The following COL21A1 variants were observed in gnomAD, a reference collection of about 807,000 sequenced individuals.
The protein encoded by COL21A1 is collagen type XXI alpha 1 chain, also known as collagen alpha-1(XXI) chain.
Under a neutral mutation model 137.9 loss-of-function variants are expected in COL21A1, and 149 were observed. That is an observed-to-expected ratio of 1.08 (90% CI 0.95 to 1.24). The LOEUF is 1.24. Ranked by LOEUF, COL21A1 falls within the 50% of genes most tolerant of loss-of-function variation. The probability of loss-of-function intolerance (pLI) is 0.00; values close to 1 mark genes in which losing one functional copy is unlikely to be tolerated. For missense variants in COL21A1, 1,167 were observed against 1,158.4 expected (o/e 1.01, Z -0.11); for synonymous variants, 456 against 391.5 (o/e 1.16, Z -1.95).
intron 16 of COL21A1, among the ~76,000 whole-genome samples, chr6:56,104,251 G>A (rs960717867): frequency 7.2e-5 from 11 of 152,226 alleles, no homozygotes; most frequent in Non-Finnish European, 1.5e-4. Flanking sequence ...AGGAGGAACA[G>A]ACTCTTTATT....
intron 16 of COL21A1, among the ~76,000 whole-genome samples, chr6:56,112,408 A>T (rs1313453271): frequency 6.6e-6 from 1 of 152,150 alleles, no homozygotes; most frequent in African/African-American, 2.4e-5. Flanking sequence ...AAAGAACCAA[A>T]AATCAGGTGA....
chr6:56,241,342 T>C (rs994760864), intron 1 of COL21A1, among the ~76,000 whole-genome samples: 1 of 152,186 alleles, frequency 6.6e-6, no homozygotes, highest in African/African-American at 2.4e-5. Flanking sequence ...GCCGGCACCT[T>C]GAGCTTGGAC....
intron 29 of COL21A1, 142 bp from the exon 30 acceptor site, chr6:56,057,986 T>G (rs896888713): frequency 1.1e-5 from 6 of 555,558 alleles, no homozygotes; most frequent in Admixed American, 3.8e-5. Flanking sequence ...AGAGGCATTT[T>G]CTTGATAATT....
intron 1 of COL21A1, among the ~76,000 whole-genome samples, chr6:56,284,046 GTT>G (rs1372770004): frequency 6.6e-6 from 1 of 152,022 alleles, no homozygotes; most frequent in Non-Finnish European, 1.5e-5. Context: ...TTGTAGTTTT[GTT>G]TTGTTTTGTT....
At position 56,260,613 on chromosome 6, in the gene COL21A1, GA is replaced by G. The variant is rs1303390443; in HGVS notation, c.-38-77958del. On this transcript the variant is annotated intron_variant, in intron 1 of 28. Coordinates refer to the COL21A1 transcript ENST00000370819. ...GAAGAAGAAGAAGAAGAAGAAGAAA[GA>G]AAGAGAGAGAGAGGAAGGAAGGAAG... is the stretch of plus-strand genomic sequence containing the variant. Among the ~76,000 whole-genome samples, 98 of 88,762 alleles carry G rather than the reference GA, an allele frequency of 1.1e-3. 1 individual carries two copies. Among genetic ancestry groups the G allele is most frequent in the Middle Eastern group, 5.7e-3 (1 of 176 alleles). 58.2% of individuals were successfully genotyped at this position (88,762 alleles called of 152,430 possible).
At position 56,078,941 on chromosome 6, in the gene COL21A1, ATAAGCACTC is replaced by A. The variant is rs1767488842; in HGVS notation, c.1813-1377_1813-1369del. Among the ~76,000 whole-genome samples, 3 of 151,746 alleles carry A rather than the reference ATAAGCACTC, an allele frequency of 2.0e-5. No homozygotes were observed. In the South Asian group the frequency reaches 6.2e-4, roughly 31 times the overall value. The stretch of plus-strand genomic sequence containing the variant: ...ATAAAACACAATCACAGTACACCTA[ATAAGCACTC>A]TAAAACATAAAGTAAAAGTAAAATC... On this transcript the variant is annotated intron_variant, in intron 17 of 29. Transcript: ENST00000244728.
chr6:56,163,622 T>C (rs1561934139), intron 9 of COL21A1, among the ~76,000 whole-genome samples: 1 of 151,106 alleles, frequency 6.6e-6, no homozygotes, highest in African/African-American at 2.4e-5. Context: ...GGCAGGGAAA[T>C]CGCTTGAACC....
At chr6:56,074,886 TATC>T (rs1288665818) in intron 19 of COL21A1, among the ~76,000 whole-genome samples, 1 of 151,472 alleles carries the variant, frequency 6.6e-6, no homozygotes, top group East Asian at 1.9e-4. Context: ...TAAAAAATTA[TATC>T]ATTAGAAAAT....
At chr6:56,264,661 C>G (rs1307723843) in intron 1 of COL21A1, among the ~76,000 whole-genome samples, 1 of 152,158 alleles carries the variant, frequency 6.6e-6, no homozygotes, top group Non-Finnish European at 1.5e-5. Context: ...ACCTATAATT[C>G]AACATATCAA....
At chr6:56,090,466 G>A (rs914378720) in intron 17 of COL21A1, among the ~76,000 whole-genome samples, 7 of 152,158 alleles carry the variant, frequency 4.6e-5, no homozygotes, top group African/African-American at 1.7e-4. Context: ...GCCAACATTT[G>A]TGTGTGAGGT....
At chr6:56,309,026 AC>A (rs1266342106) in intron 1 of COL21A1, among the ~76,000 whole-genome samples, 1 of 150,590 alleles carries the variant, frequency 6.6e-6, no homozygotes, top group Non-Finnish European at 1.5e-5. Context: ...TTTGTTAATC[AC>A]GCTCAGTCCT....
chr6:56,241,097 T>C (rs111977630), intron 1 of COL21A1, among the ~76,000 whole-genome samples: 3 of 152,188 alleles, frequency 2.0e-5, no homozygotes, highest in African/African-American at 7.2e-5. Flanking sequence ...ATCATGTTGC[T>C]ATGAACTGAA....
intron 1 of COL21A1, among the ~76,000 whole-genome samples, chr6:56,191,849 A>G (rs897010699): frequency 2.0e-5 from 3 of 152,004 alleles, no homozygotes; most frequent in African/African-American, 7.2e-5. Context: ...GGAAAAAACT[A>G]CTTTAAACTT....
chr6:56,190,534 C>T (rs997857324), intron 1 of COL21A1, among the ~76,000 whole-genome samples: 37 of 152,172 alleles, frequency 2.4e-4, no homozygotes, highest in African/African-American at 8.4e-4. Flanking sequence ...GGTATCATTC[C>T]TTCTGAAACA....
At chr6:56,231,934 A>G (rs1476023275) in intron 1 of COL21A1, among the ~76,000 whole-genome samples, 2 of 151,784 alleles carry the variant, frequency 1.3e-5, no homozygotes, top group Non-Finnish European at 2.9e-5. Context: ...CAAAAATCCA[A>G]CTGATTTCTT....
chr6:56,079,532 C>A (rs772725584), intron 17 of COL21A1, among the ~76,000 whole-genome samples: 4 of 151,524 alleles, frequency 2.6e-5, no homozygotes, highest in Admixed American at 1.3e-4. Context: ...ACCTTGGCTT[C>A]CACCTCCTCA....
chr6:56,323,708 T>G (rs1447335435), intron 1 of COL21A1, among the ~76,000 whole-genome samples: 1 of 152,070 alleles, frequency 6.6e-6, no homozygotes, highest in South Asian at 2.1e-4. Flanking sequence ...TTTGAAGGAG[T>G]AGCTCTTTCT....
rs76495685 is a variant in COL21A1 at position 56,108,087 on chromosome 6, C to T, written c.1759-6562G>A. 1.8e-4 allele frequency among the ~76,000 whole-genome samples: 27 copies of T among 151,648 alleles called. No individual in the cohort carries two copies. In the East Asian group the frequency reaches 2.7e-3, roughly 15 times the overall value. ...ACGGATATTTACAAGGAATAGTAAA[C>T]GTAGTATAAAGACCACTAAAATAAA... On this transcript the variant is annotated intron_variant, in intron 16 of 29. Transcript: ENST00000244728.
intron 12 of COL21A1, among the ~76,000 whole-genome samples, chr6:56,140,345 T>C (rs1379547611): frequency 6.6e-6 from 1 of 152,158 alleles, no homozygotes; most frequent in Non-Finnish European, 1.5e-5. Context: ...TATTCTATTG[T>C]GTGATATGTG....
Sources: gnomAD v4.1 joint callset for allele counts (sites outside exome capture counted in the v4.1 genomes callset) on GRCh38, gnomAD v4.1.1 for gene constraint, MANE v1.5 for transcripts, NCBI Gene and HGNC (gene_info 2026-07-23, HGNC 2026-07-21) for gene names.